PTPRG: variants seen among roughly 807,000 people sequenced by gnomAD.
PTPRG encodes the protein protein tyrosine phosphatase receptor type G, also known as receptor-type tyrosine-protein phosphatase gamma.
PTPRG carries 102 observed loss-of-function variants against 165.3 expected under a neutral mutation model. The ratio of observed to expected loss-of-function variants is 0.62; its 90% CI spans 0.53 to 0.73. The LOEUF (loss-of-function observed/expected upper bound fraction) is 0.73, where lower values mean the gene tolerates loss of function less well. Ranked by LOEUF, PTPRG falls within the 30% of genes least tolerant of loss-of-function variation. The pLI, the probability that PTPRG is intolerant of heterozygous loss-of-function variation, is 0.00. For missense variants in PTPRG, 1,866 were observed against 1,861.4 expected (o/e 1.00, Z -0.05); for synonymous variants, 675 against 669.5 (o/e 1.01, Z -0.13).
chr3:62,051,669 G>A (rs549967483), intron 4 of PTPRG, among the ~76,000 whole-genome samples: 8 of 152,208 alleles, frequency 5.3e-5, no homozygotes, highest in African/African-American at 1.9e-4. Context: ...TCTCCAAAGT[G>A]GAATATAAAA....
rs1295328265 is a variant in PTPRG at position 61,890,422 on chromosome 3, TG to T, written c.191-99202del. Among the ~76,000 whole-genome samples the T allele has an allele frequency of 5.2e-3, 440 of 84,788 alleles. 8 individuals are homozygous for T. The highest frequency in any genetic ancestry group is 6.2e-3 in the Non-Finnish European group (251 of 40,582). The allele number at this position is 84,788 out of a possible 152,430, so 55.6% of individuals were successfully genotyped here. ...GGTTTCTTGTTCTTTGTTTTTTTTT[TG>T]TTTTTTTTTTTTTTTAGGGTCAGGT... On this transcript the variant is annotated intron_variant, in intron 2 of 29. Transcript: ENST00000474889.
chr3:62,224,263 G>A lies in PTPRG; in HGVS notation c.2288+5280G>A, dbSNP rs1347295916. On this transcript the variant is annotated intron_variant, in intron 13 of 29. Coordinates refer to ENST00000474889, the MANE Select transcript of PTPRG (RefSeq NM_002841.4). This position sits in a 1 kb window ranked among gnomAD's most constrained non-coding sequence, Gnocchi z 4.9. ...TAGAGTAAGCTTCATTGATGTTGCA[G>A]CAGACACACCCTAGAACCCCAGTGG... Among the ~76,000 whole-genome samples the A allele has an allele frequency of 6.6e-6, 1 of 151,936 alleles. No individual in the cohort carries two copies. Among genetic ancestry groups the A allele is most frequent in the Admixed American group, 6.5e-5 (1 of 15,274 alleles).
At chr3:61,627,541 C>T (rs971919485) in intron 1 of PTPRG, among the ~76,000 whole-genome samples, 2 of 152,102 alleles carry the variant, frequency 1.3e-5, no homozygotes. Context: ...CTTTTTACCT[C>T]AAAGTAATCT....
intron 7 of PTPRG, among the ~76,000 whole-genome samples, chr3:62,165,794 A>G (rs994733921): frequency 2.0e-5 from 3 of 152,156 alleles, no homozygotes; most frequent in African/African-American, 7.2e-5. Flanking sequence ...TGCATGGCTA[A>G]TATCACTACC....
intron 2 of PTPRG, among the ~76,000 whole-genome samples, chr3:61,772,058 TAAAAAAAAAAAA>T (rs71100977): frequency 1.5e-5 from 1 of 64,782 alleles, no homozygotes; most frequent in African/African-American, 6.2e-5. Context: ...AGACTCTGTC[TAAAAAAAAAAAA>T]AAAAAAAAAA....
chr3:62,130,942 T>C (rs1703492147), intron 5 of PTPRG, among the ~76,000 whole-genome samples: 1 of 152,194 alleles, frequency 6.6e-6, no homozygotes, highest in African/African-American at 2.4e-5. Context: ...TCACTGATTT[T>C]TTTTTTTTAT....
chr3:61,707,911 C>G (rs886453703), intron 1 of PTPRG, among the ~76,000 whole-genome samples: 1 of 152,114 alleles, frequency 6.6e-6, no homozygotes, highest in East Asian at 1.9e-4. Flanking sequence ...CCCTCAGCCT[C>G]CCGAGTACCT....
At chr3:62,182,402 G>C (rs536181676) in intron 8 of PTPRG, among the ~76,000 whole-genome samples, 1 of 152,180 alleles carries the variant, frequency 6.6e-6, no homozygotes, top group Admixed American at 6.5e-5. Context: ...CTACATTTTT[G>C]TTAGAGATTA....
At chr3:62,153,020 A>G (rs937730908) in intron 6 of PTPRG, among the ~76,000 whole-genome samples, 4 of 152,266 alleles carry the variant, frequency 2.6e-5, no homozygotes, top group Non-Finnish European at 5.9e-5. Context: ...TTAAGTAGAT[A>G]TATATTTTGA....
intron 1 of PTPRG, among the ~76,000 whole-genome samples, chr3:61,681,333 A>T (rs1023479083): frequency 3.3e-5 from 5 of 152,230 alleles, no homozygotes; most frequent in African/African-American, 9.6e-5. Context: ...GTATTGGAAT[A>T]TTCTGTAATG....
Position 61,671,631 on chromosome 3 carries a change from G to A in PTPRG, c.86-77247G>A, listed in dbSNP as rs1206854548. ...CCACAAAACCGCCATTGTCATCATGGCCCGTTCTCAATGAGCTGTTGGGTA... is the reference window on the plus strand; with the variant it reads ...CCACAAAACCGCCATTGTCATCATGACCCGTTCTCAATGAGCTGTTGGGTA... On this transcript the variant is annotated intron_variant, in intron 1 of 29. Transcript: ENST00000474889. Among the ~76,000 whole-genome samples the A allele has an allele frequency of 2.0e-5, 3 of 149,338 alleles. No individual in the cohort carries two copies. The East Asian group carries it at 6.0e-4, about 30-fold the overall frequency.
At chr3:61,753,523 G>T (rs1224282423) in intron 2 of PTPRG, 3 of 426,306 alleles carry the variant, frequency 7.0e-6, no homozygotes, top group African/African-American at 2.1e-5. Flanking sequence ...GGTCATCAAT[G>T]CAGGAAAGAG....
intron 13 of PTPRG, among the ~76,000 whole-genome samples, chr3:62,230,255 C>G (rs1046625823): frequency 6.6e-6 from 1 of 152,112 alleles, no homozygotes; most frequent in African/African-American, 2.4e-5. Flanking sequence ...TGAAGAAAAC[C>G]TAACACTCCA....
intron 2 of PTPRG, among the ~76,000 whole-genome samples, chr3:61,804,672 C>G (rs2035356154): frequency 7.0e-6 from 1 of 143,552 alleles, no homozygotes; most frequent in Non-Finnish European, 1.5e-5. Flanking sequence ...CTGTGTCTTT[C>G]TCTCTCCAAA....
rs541883131 is a variant in PTPRG at position 62,281,609 on chromosome 3, A to G, written c.3812A>G (p.Asn1271Ser). Residue 1271 changes from asparagine to serine, a missense_variant, in exon 27 of 30, where the codon AAC (asparagine) becomes AGC (serine). Physicochemically the swap from Asn to Ser is conservative, Grantham distance 46. This residue lies in a region of PTPRG where 1,452 missense variants were observed against 1,463.0 expected (regional missense o/e 0.99). Transcript: ENST00000474889. ...VYWPSREESM[N>S]CEAFTVTLIS... ...TGGCCAAGTCGAGAAGAATCCATGA[A>G]CTGTGAGGCCTTTACCGTCACCCTT... 6.4e-7 allele frequency: 1 copy of G among 1,551,160 alleles called. No homozygotes were observed. Among genetic ancestry groups the G allele is most frequent in the Non-Finnish European group, 8.7e-7 (1 of 1,145,798 alleles).
At chr3:61,848,113 G>T (rs1304747965) in intron 2 of PTPRG, among the ~76,000 whole-genome samples, 1 of 152,198 alleles carries the variant, frequency 6.6e-6, no homozygotes, top group African/African-American at 2.4e-5. Context: ...GGCTGAGGAC[G>T]TAGGCAATTC....
intron 4 of PTPRG, among the ~76,000 whole-genome samples, chr3:62,021,602 T>C (rs976313538): frequency 6.6e-6 from 1 of 152,218 alleles, no homozygotes; most frequent in African/African-American, 2.4e-5. Context: ...GAATGTTTCA[T>C]CTCAAAGTGG....
Position 61,770,287 on chromosome 3 carries a change from G to A in PTPRG, c.190+21305G>A, listed in dbSNP as rs2034169468. The A allele has an allele frequency of 2.0e-5, 3 of 152,132 alleles. No homozygotes were observed. In the South Asian group the frequency reaches 6.2e-4, roughly 32 times the overall value. 9.4% of individuals were successfully genotyped at this position (152,132 alleles called of 1,614,324 possible). The stretch of plus-strand genomic sequence containing the variant: ...TAATGTGAATGAATAATTTAGGGAT[G>A]AATGATTGGGTTCATTTTTAGACAC... On this transcript the variant is annotated intron_variant, in intron 2 of 29. Transcript: ENST00000474889.
chr3:61,847,978 A>G (rs775606702), intron 2 of PTPRG, among the ~76,000 whole-genome samples: 3 of 152,204 alleles, frequency 2.0e-5, no homozygotes, highest in Non-Finnish European at 4.4e-5. Flanking sequence ...CTCAGACTTT[A>G]TGAAAGTATT....
Sources: allele counts gnomAD v4.1 joint callset (sites outside exome capture counted in the v4.1 genomes callset), GRCh38; gene constraint gnomAD v4.1.1; regional missense constraint gnomAD v4.1.1; non-coding constraint Gnocchi (gnomAD v3.1); transcripts MANE v1.5; gene names NCBI Gene and HGNC (gene_info 2026-07-23, HGNC 2026-07-21).